PLD2: variants seen among roughly 807,000 people sequenced by gnomAD.
The protein encoded by PLD2 is phospholipase D2.
Under a neutral mutation model 119.8 loss-of-function variants are expected in PLD2, and 101 were observed. The ratio of observed to expected loss-of-function variants is 0.84; its 90% confidence interval spans 0.72 to 0.99. PLD2 has a LOEUF of 0.99. Among genes scored for constraint, PLD2 ranks in the 50% least tolerant of loss-of-function variants. The pLI, the probability that PLD2 is intolerant of heterozygous loss-of-function variation, is 0.00. For missense variants in PLD2, 1,164 were observed against 1,226.8 expected, an observed-to-expected ratio of 0.95 and a Z score of 0.76; for synonymous variants, 494 against 482.8, an observed-to-expected ratio of 1.02 and a Z score of -0.30.
intron 13 of PLD2, 74 bp downstream of exon 13, chr17:4,815,660 G>T: frequency 6.3e-7 from 1 of 1,587,200 alleles, no homozygotes. Context: ...CAGCGCTCCC[G>T]CTCCCTGATG....
chr17:4,808,073 G>A lies in PLD2; in HGVS notation c.199G>A (p.Ala67Thr), dbSNP rs749701315. Reference protein sequence around the residue: ...LVFAPGVPVTAQVVGTERYTS... With the variant: ...LVFAPGVPVTTQVVGTERYTS... ...GTTCGCACCTGGGGTCCCTGTCACA[G>A]CCCAGGTGGTGGGCACCGAAAGATA... is the stretch of plus-strand genomic sequence containing the variant. Residue 67 changes from alanine (A) to threonine (T), a missense_variant, in exon 3 of 25, where the codon GCC (alanine) becomes ACC (threonine). Physicochemically the swap from Ala to Thr is moderately conservative, Grantham distance 58. Transcript: ENST00000263088. This position sits in a 1 kb window ranked among gnomAD's most constrained non-coding sequence, Gnocchi z 4.1. 4.3e-6 allele frequency: 7 copies of A among 1,612,220 alleles called. No homozygotes were observed. In the South Asian group the frequency reaches 6.6e-5, roughly 15 times the overall value.
chr17:4,811,975 C>T (rs1273764030), intron 10 of PLD2, among the ~76,000 whole-genome samples: 12 of 151,832 alleles, frequency 7.9e-5, no homozygotes, highest in Admixed American at 6.6e-4. Context: ...CCACCACACC[C>T]GGCTAATTAA....
Position 4,808,573 on chromosome 17 carries a change from T to G in PLD2, c.383+157T>G. The stretch of plus-strand genomic sequence containing the variant: ...ACCAGGAAACTTTCCCTGCTCAGCT[T>G]TCCCTGTCCATGGTTCTGTGCCAGC... On this transcript the variant is annotated intron_variant, in intron 4 of 24. Coordinates refer to ENST00000263088, the MANE Select transcript of PLD2 (RefSeq NM_002663.5). The surrounding 1 kb of genome is among the most constrained non-coding windows in gnomAD (Gnocchi z 4.1). 1 of 697,726 alleles carries G rather than the reference T, an allele frequency of 1.4e-6. No individual in the cohort carries two copies. The allele number at this position is 697,726 out of a possible 1,614,324, so 43.2% of individuals were successfully genotyped here. A position where few individuals can be genotyped will look rare whatever the true frequency, so the allele number is the denominator to read the frequency against.
intron 15 of PLD2, 61 bp downstream of exon 15, chr17:4,816,807 G>C (rs1907022335): frequency 6.2e-7 from 1 of 1,612,092 alleles, no homozygotes; most frequent in Non-Finnish European, 8.5e-7. Flanking sequence ...AGCTGGGGCT[G>C]GTACTGAGAG....
At chr17:4,810,702 G>A in intron 9 of PLD2, 100 bp from the exon 10 acceptor site, 1 of 1,158,184 alleles carries the variant, frequency 8.6e-7, no homozygotes, top group Non-Finnish European at 1.2e-6. Context: ...GTGCAGTTGT[G>A]ATTAGGGACT....
rs567932431 is a variant in PLD2 at position 4,810,167 on chromosome 17, G to A, written c.860+138G>A. On this transcript the variant is annotated intron_variant, in intron 9 of 24. Transcript: ENST00000263088. ...GGATCGGGACATAGTTTTGAACCAG[G>A]AACTGGTCTAGCCAGATGCTTGGGA... 1.4e-5 allele frequency: 12 copies of A among 864,616 alleles called. No individual in the cohort carries two copies. The Admixed American group carries it at 1.4e-4, about 10-fold the overall frequency. The allele number at this position is 864,616 out of a possible 1,614,324, so 53.6% of individuals were successfully genotyped here.
Position 4,809,329 on chromosome 17 carries a change from T to C in PLD2, c.521T>C (p.Leu174Ser). The change falls in exon 6 of 25, where the codon TTG becomes TCG. Residue 174 changes from leucine to serine, a missense_variant. Coordinates refer to ENST00000263088, the MANE Select transcript of PLD2 (RefSeq NM_002663.5). ...CTGGAGAATTACCTCAACCGTCTCT[T>C]GACCATGTCTTTCTATCGCAACTAC... ...KYLENYLNRLLTMSFYRNYHA... is the reference protein window; with the variant it reads ...KYLENYLNRLSTMSFYRNYHA... 6.2e-7 allele frequency: 1 copy of C among 1,614,162 alleles called. No individual in the cohort carries two copies. The highest frequency in any genetic ancestry group is 1.1e-5 in the South Asian group (1 of 91,084).
Position 4,822,815 on chromosome 17 carries a change from C to G in PLD2, c.2753C>G (p.Pro918Arg). Reference sequence around the variant, plus strand: ...TTCCTAGAGGATGAGTCTTTGCTGCCCCCGCTGGGTAGCAAGGAGGGCATG... The same window carrying G: ...TTCCTAGAGGATGAGTCTTTGCTGCGCCCGCTGGGTAGCAAGGAGGGCATG... The part of the protein sequence containing the change: ...LKFLEDESLL[P>R]PLGSKEGMIP... The change falls in exon 25 of 25, where the codon CCC becomes CGC. Residue 918 changes from proline (P) to arginine (R), a missense_variant. Physicochemically the swap from Pro to Arg is moderately radical, Grantham distance 103. Transcript: ENST00000263088. 1 of 1,613,532 alleles carries G rather than the reference C, an allele frequency of 6.2e-7. No homozygotes were observed. Among genetic ancestry groups the G allele is most frequent in the Non-Finnish European group, 8.5e-7 (1 of 1,179,516 alleles).
chr17:4,814,422 G>A lies in PLD2; in HGVS notation c.1015G>A (p.Val339Met). The change falls in exon 11 of 25, where the codon GTG becomes ATG. Residue 339 changes from valine to methionine, a missense_variant. Physicochemically the swap from Val to Met is conservative, Grantham distance 21. Coordinates refer to ENST00000263088, the MANE Select transcript of PLD2 (RefSeq NM_002663.5). Reference sequence around the variant, plus strand: ...CTTGGCTTGGCCTCCCCCCAGGTTTGTGAATGGGGCAGGTTACTTTGCTGC... The same window carrying A: ...CTTGGCTTGGCCTCCCCCCAGGTTTATGAATGGGGCAGGTTACTTTGCTGC... ...PRPGTLARWF[V>M]NGAGYFAAVA... The A allele has an allele frequency of 3.1e-6, 5 of 1,610,464 alleles. No homozygotes were observed. Among genetic ancestry groups the A allele is most frequent in the Non-Finnish European group, 4.2e-6 (5 of 1,178,960 alleles).
At chr17:4,821,620 C>G in intron 23 of PLD2, 173 bp from the exon 24 acceptor site, 1 of 498,372 alleles carries the variant, frequency 2.0e-6, no homozygotes, top group Non-Finnish European at 3.6e-6. Flanking sequence ...GTCTTGAATT[C>G]CTGAGCTCAA....
intron 10 of PLD2, among the ~76,000 whole-genome samples, chr17:4,812,828 A>G (rs1285617610): frequency 2.6e-5 from 4 of 152,166 alleles, no homozygotes; most frequent in South Asian, 4.1e-4. Context: ...GGCACAGAAG[A>G]CAGAAATAGC....
chr17:4,817,910 A>C (rs1284620323), intron 17 of PLD2, 92 bp from the exon 18 acceptor site: 3 of 817,338 alleles, frequency 3.7e-6, no homozygotes, highest in Admixed American at 2.1e-5. Flanking sequence ...GTGAGCGGAG[A>C]TCATGCCACT....
At chr17:4,811,780 GT>G (rs1031270723) in intron 10 of PLD2, among the ~76,000 whole-genome samples, 41 of 152,142 alleles carry the variant, frequency 2.7e-4, no homozygotes, top group African/African-American at 9.9e-4. Flanking sequence ...CCCTCAGGTA[GT>G]TTTGCTTTAA....
chr17:4,811,421 C>T (rs1034333122), intron 10 of PLD2, among the ~76,000 whole-genome samples: 9 of 150,216 alleles, frequency 6.0e-5, no homozygotes, highest in Admixed American at 5.4e-4. Flanking sequence ...GGATTACAGG[C>T]GCCCACCACC....
Position 4,822,685 on chromosome 17 carries a change from C to T in PLD2, c.2623C>T (p.Leu875Phe), listed in dbSNP as rs1907803525. Residue 875 changes from leucine to phenylalanine, a missense_variant, in exon 25 of 25, where the codon CTC (leucine) becomes TTC (phenylalanine). By Grantham distance (22) the Leu-to-Phe change is conservative. Transcript: ENST00000263088. ...PSNATRSLRT[L>F]REYVAVEPLA... is the part of the protein sequence containing the mutation. ...CAATGCCACGCGTTCCCTGCGGACT[C>T]TCCGGGAGTACGTGGCCGTGGAGCC... The T allele has an allele frequency of 2.0e-5, 32 of 1,614,116 alleles. No individual in the cohort carries two copies. The highest frequency in any genetic ancestry group is 2.7e-5 in the Non-Finnish European group (32 of 1,180,024).
chr17:4,816,500 C>A (rs751994399), intron 14 of PLD2, 120 bp from the exon 15 acceptor site: 1 of 1,047,624 alleles, frequency 9.5e-7, no homozygotes, highest in Non-Finnish European at 1.4e-6. Flanking sequence ...GGAATCAGAC[C>A]CTCTGTTTCA....
intron 20 of PLD2, 69 bp downstream of exon 20, chr17:4,818,676 C>A: frequency 6.4e-7 from 1 of 1,562,652 alleles, no homozygotes; most frequent in Non-Finnish European, 8.8e-7. Flanking sequence ...TGATTCTGTC[C>A]TGATCCCTTC....
Position 4,817,452 on chromosome 17 carries a change from G to A in PLD2, c.1815+193G>A, listed in dbSNP as rs75098502. On this transcript the variant is annotated intron_variant, in intron 17 of 24. Transcript: ENST00000263088. ...CCAAGGCAGGCGGATCACAAGGTCC[G>A]GAGATCGAGACCATCCTGGCTAACA... 1.3e-3 allele frequency: 739 copies of A among 586,276 alleles called. 10 individuals are homozygous for A. The East Asian group carries it at 0.017, about 13-fold the overall frequency. The allele number at this position is 586,276 out of a possible 1,614,324, so 36.3% of individuals were successfully genotyped here. A position where few individuals can be genotyped will look rare whatever the true frequency, so the allele number is the denominator to read the frequency against.
intron 10 of PLD2, among the ~76,000 whole-genome samples, chr17:4,811,212 T>C (rs924047708): frequency 1.3e-5 from 2 of 151,664 alleles, no homozygotes; most frequent in Non-Finnish European, 2.9e-5. Context: ...TTTAAACCCC[T>C]CTCTACAATA....
Sources: gnomAD v4.1 joint callset for allele counts (sites outside exome capture counted in the v4.1 genomes callset) on GRCh38, gnomAD v4.1.1 for gene constraint, Gnocchi (gnomAD v3.1) non-coding constraint, MANE v1.5 for transcripts, NCBI Gene and HGNC (gene_info 2026-07-23, HGNC 2026-07-21) for gene names.